Variants in PTPRR observed in about 807,000 individuals in gnomAD.
PTPRR encodes the protein receptor-type tyrosine-protein phosphatase R.
Under a neutral mutation model 77.2 loss-of-function variants are expected in PTPRR, and 38 were observed. The observed-to-expected ratio is 0.49, with a 90% CI of 0.38 to 0.65. The LOEUF (loss-of-function observed/expected upper bound fraction) is 0.65. Ranked by LOEUF, PTPRR falls within the 30% of genes least tolerant of loss-of-function variation. PTPRR has a pLI of 0.00. For synonymous variants in PTPRR, 299 were observed against 283.1 expected, an observed-to-expected ratio of 1.06 and a Z score of -0.57; for missense variants, 744 against 799.2, an observed-to-expected ratio of 0.93 and a Z score of 0.83.
chr12:70,912,455 G>A (rs530480903), intron 1 of PTPRR, among the ~76,000 whole-genome samples: 17 of 152,110 alleles, frequency 1.1e-4, no homozygotes, highest in Non-Finnish European at 5.9e-5. Context: ...TCAGAAAATG[G>A]ACATTGCTTT....
chr12:70,787,382 G>T (rs147963616), intron 2 of PTPRR, among the ~76,000 whole-genome samples: 2 of 152,072 alleles, frequency 1.3e-5, no homozygotes, highest in African/African-American at 4.8e-5. Context: ...TGAGTAATTC[G>T]CAATAGCAAT....
chr12:70,797,643 A>G (rs1592763094), intron 2 of PTPRR, among the ~76,000 whole-genome samples: 1 of 152,110 alleles, frequency 6.6e-6, no homozygotes, highest in African/African-American at 2.4e-5. Context: ...TGACCTCCAA[A>G]CTGCCACTTC....
chr12:70,647,313 C>G (rs947101041), intron 13 of PTPRR, among the ~76,000 whole-genome samples: 1 of 152,198 alleles, frequency 6.6e-6, no homozygotes, highest in East Asian at 1.9e-4. Flanking sequence ...AAAAAGTTAT[C>G]TGAGGTCAAT....
Position 70,698,334 on chromosome 12 carries a change from A to T in PTPRR, c.1210T>A (p.Phe404Ile). 1 of 1,612,866 alleles carries T rather than the reference A, an allele frequency of 6.2e-7. No homozygotes were observed. Among genetic ancestry groups the T allele is most frequent in the Non-Finnish European group, 8.5e-7 (1 of 1,179,218 alleles). ...ATATCAATTTCTTTGGGATCCACAA[A>T]GTTCATTGGTATTTCCTGCAAAAAT... Reference protein sequence around the residue: ...QSEFMEIPMNFVDPKEIDIPR... With the variant: ...QSEFMEIPMNIVDPKEIDIPR... The change falls in exon 8 of 14, where the codon TTT (phenylalanine) becomes ATT (isoleucine). Residue 404 changes from phenylalanine to isoleucine, a missense_variant. Physicochemically the swap from Phe to Ile is conservative, Grantham distance 21. Transcript: ENST00000283228.
chr12:70,920,549 A>G lies in PTPRR; in HGVS notation c.-159T>C, dbSNP rs1169806769. On this transcript the variant is annotated 5_prime_UTR_variant, in exon 1 of 14. Coordinates refer to ENST00000283228, the MANE Select transcript of PTPRR (RefSeq NM_002849.4). ...TCAGTCTGTGGCGCCGACAGAAACCAGCACCAGCTTCAACCTCCCTAAGAG... is the reference window on the plus strand; with the variant it reads ...TCAGTCTGTGGCGCCGACAGAAACCGGCACCAGCTTCAACCTCCCTAAGAG... The G allele has an allele frequency of 1.5e-6, 1 of 653,368 alleles. No individual in the cohort carries two copies. Among genetic ancestry groups the G allele is most frequent in the African/African-American group, 1.8e-5 (1 of 55,428 alleles). 40.5% of individuals were successfully genotyped at this position (653,368 alleles called of 1,614,324 possible).
intron 2 of PTPRR, among the ~76,000 whole-genome samples, chr12:70,891,688 G>A (rs895639487): frequency 5.3e-5 from 8 of 151,936 alleles, no homozygotes; most frequent in Admixed American, 4.6e-4. Context: ...TAAATACTGA[G>A]TGTATGCTAG....
At chr12:70,864,871 G>C (rs1420482527) in intron 2 of PTPRR, among the ~76,000 whole-genome samples, 1 of 152,138 alleles carries the variant, frequency 6.6e-6, no homozygotes, top group Non-Finnish European at 1.5e-5. Context: ...GAGTACAGTG[G>C]TGGGATCTCC....
At chr12:70,772,176 TC>T (rs1565691366) in intron 2 of PTPRR, among the ~76,000 whole-genome samples, 1 of 152,186 alleles carries the variant, frequency 6.6e-6, no homozygotes, top group East Asian at 1.9e-4. Flanking sequence ...TTTATGCATT[TC>T]TTTTATTCTT....
chr12:70,727,828 A>C (rs1241677059), intron 6 of PTPRR, among the ~76,000 whole-genome samples: 1 of 152,236 alleles, frequency 6.6e-6, no homozygotes, highest in African/African-American at 2.4e-5. Context: ...CTTTGATTTC[A>C]CTTGAACATG....
At chr12:70,780,148 T>G (rs1322020036) in intron 2 of PTPRR, among the ~76,000 whole-genome samples, 3 of 152,132 alleles carry the variant, frequency 2.0e-5, no homozygotes, top group Non-Finnish European at 2.9e-5. Context: ...CCCGCCACCA[T>G]GCCCAGCTAG....
At chr12:70,688,420 C>G (rs1380591834) in intron 8 of PTPRR, among the ~76,000 whole-genome samples, 2 of 152,100 alleles carry the variant, frequency 1.3e-5, no homozygotes, top group African/African-American at 4.8e-5. Flanking sequence ...ACAAGACATG[C>G]AAATGTCCAA....
intron 10 of PTPRR, among the ~76,000 whole-genome samples, chr12:70,675,230 T>C (rs955987870): frequency 3.3e-5 from 5 of 152,068 alleles, no homozygotes; most frequent in Admixed American, 3.3e-4. Flanking sequence ...TTTAACTGAA[T>C]TTATTTATTT....
At chr12:70,865,851 T>A (rs976012615) in intron 2 of PTPRR, among the ~76,000 whole-genome samples, 1 of 152,130 alleles carries the variant, frequency 6.6e-6, no homozygotes, top group Non-Finnish European at 1.5e-5. Flanking sequence ...AGAGCACGTA[T>A]TCTGTCTAAA....
At chr12:70,886,287 A>G (rs1322063275) in intron 2 of PTPRR, among the ~76,000 whole-genome samples, 2 of 152,238 alleles carry the variant, frequency 1.3e-5, no homozygotes, top group Admixed American at 6.5e-5. Flanking sequence ...CTGAGCATAA[A>G]GCTTTCTGCA....
chr12:70,798,917 T>C (rs1332670171), intron 2 of PTPRR, among the ~76,000 whole-genome samples: 1 of 152,160 alleles, frequency 6.6e-6, no homozygotes, highest in Non-Finnish European at 1.5e-5. Context: ...TCCTAGTCCC[T>C]GGTACATAAC....
chr12:70,762,392 T>G (rs1455830138), intron 3 of PTPRR, among the ~76,000 whole-genome samples: 3 of 152,144 alleles, frequency 2.0e-5, no homozygotes, highest in African/African-American at 4.8e-5. Context: ...GAAATTATTC[T>G]TAGCTTTCTT....
intron 2 of PTPRR, among the ~76,000 whole-genome samples, chr12:70,856,509 T>C (rs576381361): frequency 6.6e-6 from 1 of 152,262 alleles, no homozygotes; most frequent in Admixed American, 6.5e-5. Context: ...AGGGGTAAGA[T>C]GTTGAAGGCT....
intron 2 of PTPRR, among the ~76,000 whole-genome samples, chr12:70,784,467 C>T (rs1033019673): frequency 1.3e-5 from 2 of 152,140 alleles, no homozygotes; most frequent in African/African-American, 2.4e-5. Context: ...CCCTGTGGCC[C>T]GGGAGCTCAG....
chr12:70,645,285 A>C (rs1235159402), intron 13 of PTPRR, among the ~76,000 whole-genome samples: 1 of 152,204 alleles, frequency 6.6e-6, no homozygotes, highest in Non-Finnish European at 1.5e-5. Flanking sequence ...CTGGCTAATA[A>C]GGTATTTAGG....
Sources: allele counts gnomAD v4.1 joint callset (sites outside exome capture counted in the v4.1 genomes callset), GRCh38; gene constraint gnomAD v4.1.1; transcripts MANE v1.5; gene names NCBI Gene and HGNC (gene_info 2026-07-23, HGNC 2026-07-21).